C1orf54: variants seen among roughly 807,000 people sequenced by gnomAD.
C1orf54 encodes uncharacterized protein C1orf54.
C1orf54 carries 12 observed loss-of-function variants against 14.7 expected under a neutral mutation model. The ratio of observed to expected loss-of-function variants is 0.82; its 90% CI spans 0.52 to 1.32. The LOEUF is 1.32. Among genes scored for constraint, C1orf54 ranks in the 40% most tolerant of loss-of-function variants. The pLI is 0.00. For synonymous variants in C1orf54, 65 were observed against 56.3 expected, an observed-to-expected ratio of 1.16 and a Z score of -0.70; for missense variants, 163 against 162.2, an observed-to-expected ratio of 1.00 and a Z score of -0.03.
intron 2 of C1orf54, 57 bp from the exon 3 acceptor site, chr1:150,275,684 C>A: frequency 7.2e-7 from 1 of 1,389,184 alleles, no homozygotes; most frequent in Non-Finnish European, 1.0e-6. Flanking sequence ...CTTTTCATTT[C>A]CAGATCTAGA....
upstream of C1orf54, chr1:150,272,492 A>T (rs975691511): frequency 3.9e-6 from 1 of 254,092 alleles, no homozygotes; most frequent in Non-Finnish European, 7.6e-6. Flanking sequence ...GAGAGGGGAA[A>T]CTTCTTGGTA....
At chr1:150,277,440 T>A (rs1276695584) in intron 4 of C1orf54, among the ~76,000 whole-genome samples, 1 of 137,386 alleles carries the variant, frequency 7.3e-6, no homozygotes, top group Non-Finnish European at 1.5e-5. Context: ...GAGGCAGAGG[T>A]TGCAGTGAGC....
intron 1 of C1orf54, 70 bp from the exon 2 acceptor site, chr1:150,274,017 C>A: frequency 9.8e-7 from 1 of 1,020,406 alleles, no homozygotes; most frequent in Non-Finnish European, 1.5e-6. Context: ...GCGCTGAGGT[C>A]ATCTCCAGGT....
Position 150,274,121 on chromosome 1 carries a change from G to A in C1orf54, c.81G>A (p.Glu27=). 6.2e-7 allele frequency: 1 copy of A among 1,612,720 alleles called. No homozygotes were observed. ...QEYEDEERLG[E]DEYYQVVYYY... is the part of the protein sequence containing the mutation. ...ATGAGGATGAAGAAAGACTGGGAGA[G>A]GATGAATATTATCAGGTGGTCTATT... Residue 27 remains glutamate, a synonymous_variant, in exon 2 of 6, where the codon GAG becomes GAA. Coordinates refer to ENST00000369099, the MANE Select transcript of C1orf54 (RefSeq NM_024579.4).
rs1383846700 is a variant in C1orf54, at chr1:150,274,067, T to C, written c.47-20T>C. On this transcript the variant is annotated intron_variant, in intron 1 of 5. Coordinates refer to ENST00000369099, the MANE Select transcript of C1orf54 (RefSeq NM_024579.4). ...AAGGTGTTCCAGATGTCCCTTGACC[T>C]CTAGTCCTTGTCCCCATAGGACAAG... 6.3e-7 allele frequency: 1 copy of C among 1,579,934 alleles called. No homozygotes were observed. The highest frequency in any genetic ancestry group is 1.7e-5 in the Admixed American group (1 of 59,804).
At chr1:150,268,967 C>T (rs1397783100), upstream of C1orf54, 2 of 610,778 alleles carry the variant, frequency 3.3e-6, no homozygotes, top group Non-Finnish European at 5.8e-6. Context: ...GGGGGGGAAC[C>T]GAAACCCCAA....
upstream of C1orf54, among the ~76,000 whole-genome samples, chr1:150,271,246 G>A (rs1553851241): frequency 6.6e-6 from 1 of 151,838 alleles, no homozygotes; most frequent in Non-Finnish European, 1.5e-5. Flanking sequence ...CCTAGTAGCT[G>A]GGATTACTGG....
chr1:150,276,434 G>A lies in C1orf54; in HGVS notation c.190-88G>A, dbSNP rs587708459. On this transcript the variant is annotated intron_variant, in intron 3 of 5. Transcript: ENST00000369099. ...AGTCTTTGGGCTGGGTGGAGGTGGTGAAGGGGAGAACTTTAAGTAGAGAAT... is the reference window on the plus strand; with the variant it reads ...AGTCTTTGGGCTGGGTGGAGGTGGTAAAGGGGAGAACTTTAAGTAGAGAAT... 258 of 1,061,982 alleles carry A rather than the reference G, an allele frequency of 2.4e-4. 5 individuals carry two copies. In the South Asian group the frequency reaches 3.3e-3, roughly 14 times the overall value. 65.8% of individuals were successfully genotyped at this position (1,061,982 alleles called of 1,614,324 possible). A position where few individuals can be genotyped will look rare whatever the true frequency, so the allele number is the denominator to read the frequency against.
chr1:150,276,633 G>GT lies in C1orf54; in HGVS notation c.300+2dup. On this transcript the variant is annotated splice_donor_variant, in intron 4 of 5. Coordinates refer to ENST00000369099, the MANE Select transcript of C1orf54 (RefSeq NM_024579.4). LOFTEE classifies it high-confidence loss of function. ...TGTGAAACCAGTAACAACGGAACCT[G>GT]TGAGTTGATTGGGGATTGGGGGCTG... The GT allele has an allele frequency of 6.2e-7, 1 of 1,612,254 alleles. No individual in the cohort carries two copies. Among genetic ancestry groups the GT allele is most frequent in the Non-Finnish European group, 8.5e-7 (1 of 1,178,326 alleles).
chr1:150,279,955 ACCAGGCTGAGCAACATAGTTTAAGT>A (rs1258362857), intron 5 of C1orf54, among the ~76,000 whole-genome samples: 2 of 152,170 alleles, frequency 1.3e-5, no homozygotes, highest in African/African-American at 2.4e-5. Flanking sequence ...GGAGTTCCAG[ACCAGGCTGAGCAACATAGTTTAAGT>A]CCAGGCTGAG....
At position 150,279,791 on chromosome 1, in the gene C1orf54, T is replaced by A. The variant is rs74992735; in HGVS notation, c.*3+50T>A. On this transcript the variant is annotated intron_variant, in intron 5 of 5. Transcript: ENST00000369099. ...GGGGAGTCTGTGAAATAATATTTTTTAACTTCCCACACTAAACCGAAGTAA... is the reference window on the plus strand; with the variant it reads ...GGGGAGTCTGTGAAATAATATTTTTAAACTTCCCACACTAAACCGAAGTAA... The A allele has an allele frequency of 2.6e-5, 38 of 1,473,060 alleles. No individual in the cohort carries two copies. In the East Asian group the frequency reaches 6.9e-4, roughly 27 times the overall value. 91.2% of individuals were successfully genotyped at this position (1,473,060 alleles called of 1,614,324 possible).
At chr1:150,276,178 A>G (rs2101874799) in intron 3 of C1orf54, among the ~76,000 whole-genome samples, 1 of 152,228 alleles carries the variant, frequency 6.6e-6, no homozygotes, top group Non-Finnish European at 1.5e-5. Flanking sequence ...AAACTGGGCA[A>G]TGTTGAAATG....
At chr1:150,278,593 A>C (rs1484792980) in intron 4 of C1orf54, among the ~76,000 whole-genome samples, 1 of 152,224 alleles carries the variant, frequency 6.6e-6, no homozygotes, top group African/African-American at 2.4e-5. Context: ...AAATTAATGA[A>C]TGGAATGGAG....
At chr1:150,279,503 A>C in intron 4 of C1orf54, 140 bp from the exon 5 acceptor site, 1 of 783,436 alleles carries the variant, frequency 1.3e-6, no homozygotes, top group South Asian at 1.8e-5. Flanking sequence ...GTGATGGGGA[A>C]GGATGGATCT....
chr1:150,277,123 C>A (rs1227182496), intron 4 of C1orf54, among the ~76,000 whole-genome samples: 1 of 152,156 alleles, frequency 6.6e-6, no homozygotes, highest in African/African-American at 2.4e-5. Flanking sequence ...GCTTGAGATA[C>A]ACCCTGAAGA....
chr1:150,270,175 T>C (rs112912230), upstream of C1orf54, among the ~76,000 whole-genome samples: 166 of 136,220 alleles, frequency 1.2e-3, 2 homozygotes, highest in African/African-American at 4.1e-3. Flanking sequence ...ATATTGTTTT[T>C]GAAAGCATAA....
chr1:150,274,195 C>G (rs782203171), intron 2 of C1orf54, 25 bp downstream of exon 2: 6 of 1,512,576 alleles, frequency 4.0e-6, no homozygotes, highest in East Asian at 4.5e-5. Context: ...GGCTCTTGCC[C>G]TTAGCCAACT....
upstream of C1orf54, among the ~76,000 whole-genome samples, chr1:150,270,202 A>AC (rs1652097710): frequency 6.7e-6 from 1 of 149,746 alleles, no homozygotes; most frequent in Non-Finnish European, 1.5e-5. Flanking sequence ...TACCAAAAAA[A>AC]ACCCCACAGA....
intron 2 of C1orf54, among the ~76,000 whole-genome samples, chr1:150,275,318 G>A (rs187170512): frequency 1.4e-5 from 2 of 142,276 alleles, no homozygotes; most frequent in Non-Finnish European, 3.0e-5. Context: ...TTACAGGCTT[G>A]AGCCATCGTG....
Sources: gnomAD v4.1 joint callset for allele counts (sites outside exome capture counted in the v4.1 genomes callset) on GRCh38, gnomAD v4.1.1 for gene constraint, MANE v1.5 for transcripts, NCBI Gene and HGNC (gene_info 2026-07-23, HGNC 2026-07-21) for gene names.